The following ANO4 variants were observed in gnomAD, a reference collection of about 807,000 sequenced individuals.
The protein encoded by ANO4 is anoctamin-4.
A neutral mutation model predicts 141.9 loss-of-function variants in ANO4; 69 were observed. The observed-to-expected ratio is 0.49, with a 90% CI of 0.40 to 0.59. The LOEUF (loss-of-function observed/expected upper bound fraction) is 0.59, where lower values mean the gene tolerates loss of function less well. Among genes scored for constraint, ANO4 ranks in the 20% least tolerant of loss-of-function variants. The pLI, the probability that ANO4 is intolerant of heterozygous loss-of-function variation, is 0.00. For synonymous variants in ANO4, 350 were observed against 394.3 expected (o/e 0.89, Z 1.33); for missense variants, 894 against 1,162.2 (o/e 0.77, Z 3.36).
chr12:100,840,559 G>A (rs986506891), intron 1 of ANO4, among the ~76,000 whole-genome samples: 2 of 152,132 alleles, frequency 1.3e-5, no homozygotes, highest in African/African-American at 4.8e-5. Context: ...CTTGTTCAGT[G>A]CTCTTTTATT....
intron 6 of ANO4, among the ~76,000 whole-genome samples, chr12:100,973,673 A>G (rs1223751985): frequency 6.6e-6 from 1 of 152,148 alleles, no homozygotes; most frequent in African/African-American, 2.4e-5. Flanking sequence ...AGCGTGATAT[A>G]TTTGTTAAAG....
At chr12:100,807,730 A>T (rs1231826980) in intron 1 of ANO4, among the ~76,000 whole-genome samples, 1 of 152,022 alleles carries the variant, frequency 6.6e-6, no homozygotes, top group African/African-American at 2.4e-5. Context: ...GACAGGCCCC[A>T]GTGTGTGTTG....
chr12:100,844,991 A>T (rs1225532295), intron 1 of ANO4, among the ~76,000 whole-genome samples: 1 of 152,152 alleles, frequency 6.6e-6, no homozygotes, highest in Non-Finnish European at 1.5e-5. Flanking sequence ...AAAACCAGGC[A>T]GATATTTTAT....
intron 1 of ANO4, among the ~76,000 whole-genome samples, chr12:100,828,102 C>G (rs756338871): frequency 1.6e-4 from 25 of 152,004 alleles, no homozygotes; most frequent in Non-Finnish European, 3.4e-4. Flanking sequence ...GCTAGACACT[C>G]ATATTCAGAG....
chr12:100,940,798 T>A (rs999032889), intron 4 of ANO4, among the ~76,000 whole-genome samples: 2 of 152,194 alleles, frequency 1.3e-5, no homozygotes, highest in African/African-American at 4.8e-5. Flanking sequence ...TTGAAATCTA[T>A]TAGGCTGAGA....
chr12:101,126,979 AGAT>A lies in ANO4; in HGVS notation c.2782_2784del (p.Met928del). On this transcript the variant is annotated inframe_deletion, in exon 27 of 28. Coordinates refer to ENST00000392977, the MANE Select transcript of ANO4 (RefSeq NM_001286615.2). ...AGAAGAGAGAAGTACTTGATTCAGG[AGAT>A]GATGTATGAAGCAGAACTGGAACGT... The A allele has an allele frequency of 6.2e-7, 1 of 1,614,152 alleles. No individual in the cohort carries two copies. Among genetic ancestry groups the A allele is most frequent in the Non-Finnish European group, 8.5e-7 (1 of 1,180,022 alleles).
chr12:100,873,090 C>T (rs1282240996), intron 1 of ANO4, among the ~76,000 whole-genome samples: 3 of 152,174 alleles, frequency 2.0e-5, no homozygotes, highest in East Asian at 1.9e-4. Flanking sequence ...TTTCTTGAGG[C>T]CTCCCCAGCC....
chr12:101,114,606 G>C (rs531846481), intron 24 of ANO4, among the ~76,000 whole-genome samples: 1 of 152,152 alleles, frequency 6.6e-6, no homozygotes, highest in Non-Finnish European at 1.5e-5. Flanking sequence ...CTCGGGGCTG[G>C]TCTGTGAGAT....
intron 1 of ANO4, among the ~76,000 whole-genome samples, chr12:100,875,995 G>T (rs2039283802): frequency 6.6e-6 from 1 of 152,162 alleles, no homozygotes; most frequent in South Asian, 2.1e-4. Flanking sequence ...ACCAGAGCCA[G>T]CTTCATGAGT....
At position 100,807,233 on chromosome 12, in the gene ANO4, A is replaced by G. The variant is rs1005073723; in HGVS notation, c.-141+12206A>G. On this transcript the variant is annotated intron_variant, in intron 1 of 27. Transcript: ENST00000392977. ...GGCTAGGTGGTGATTCTTGAGAAAG[A>G]TGATTTTTACTTGGGCCAAGGCAGG... Among the ~76,000 whole-genome samples, 5 of 152,128 alleles carry G rather than the reference A, an allele frequency of 3.3e-5. No homozygotes were observed. The South Asian group carries it at 6.2e-4, about 19-fold the overall frequency.
At chr12:101,022,797 T>C (rs1426193979) in intron 9 of ANO4, among the ~76,000 whole-genome samples, 1 of 152,206 alleles carries the variant, frequency 6.6e-6, no homozygotes, top group Non-Finnish European at 1.5e-5. Context: ...TGGAGTGCAA[T>C]GGCAAGATCT....
chr12:100,810,003 G>C (rs1342712271), intron 1 of ANO4, among the ~76,000 whole-genome samples: 2 of 152,160 alleles, frequency 1.3e-5, no homozygotes, highest in Non-Finnish European at 2.9e-5. Flanking sequence ...GCATGCAGCA[G>C]TGTGCCAGAC....
At chr12:101,102,074 A>G (rs977333059) in intron 22 of ANO4, among the ~76,000 whole-genome samples, 1 of 151,346 alleles carries the variant, frequency 6.6e-6, no homozygotes, top group South Asian at 2.1e-4. Flanking sequence ...AGAGAGCAAA[A>G]CTCCGTCTCA....
At chr12:101,042,511 A>C (rs1393398143) in intron 12 of ANO4, 43 bp downstream of exon 12, 2 of 1,610,772 alleles carry the variant, frequency 1.2e-6, no homozygotes, top group Non-Finnish European at 8.5e-7. Context: ...TTTAGTACTT[A>C]GAGGTGGCTG....
At chr12:101,044,293 AGAG>A (rs1370211844) in intron 13 of ANO4, among the ~76,000 whole-genome samples, 2 of 152,232 alleles carry the variant, frequency 1.3e-5, no homozygotes, top group Non-Finnish European at 2.9e-5. Context: ...GGACTAAAGA[AGAG>A]AATATATGTG....
In ANO4 at chr12:101,043,396, C is replaced by T. The variant is rs906877451; in HGVS notation, c.1155-143C>T. On this transcript the variant is annotated intron_variant, in intron 12 of 27. Transcript: ENST00000392977. Reference sequence around the variant, plus strand: ...ATTTAAATGGGCAAGAACTTGTTTACATTAATAACAGATAAAGCTAAGATG... The same window carrying T: ...ATTTAAATGGGCAAGAACTTGTTTATATTAATAACAGATAAAGCTAAGATG... 3 of 586,928 alleles carry T rather than the reference C, an allele frequency of 5.1e-6. No individual in the cohort carries two copies. In the Admixed American group the frequency reaches 8.8e-5, roughly 17 times the overall value. 36.4% of individuals were successfully genotyped at this position (586,928 alleles called of 1,614,324 possible).
At chr12:100,919,724 GTGTGTATGTATGTATCTATC>G (rs1357374486) in intron 2 of ANO4, among the ~76,000 whole-genome samples, 17 of 120,816 alleles carry the variant, frequency 1.4e-4, no homozygotes, top group African/African-American at 5.4e-4. Context: ...ATGTATGTAT[GTGTGTATGTATGTATCTATC>G]TATCTATCTA....
chr12:101,069,000 T>C (rs2048706164), intron 14 of ANO4: 1 of 789,316 alleles, frequency 1.3e-6, no homozygotes, highest in East Asian at 2.5e-5. Context: ...AAGCTCTGGA[T>C]AAGGCCCAGT....
Position 100,806,523 on chromosome 12 carries a change from C to CTTTTTTTTTTTTTTTTTTTTTTTTTT in ANO4, c.-141+11496_-141+11497insTTTTTTTTTTTTTTTTTTTTTTTTTT, listed in dbSNP as rs1593379234. ...TTTTTAGGAGGTTTTTTTTTTGTTT[C>CTTTTTTTTTTTTTTTTTTTTTTTTTT]GTTTTTTTTTTTTTTTTTTTTTTTT... On this transcript the variant is annotated intron_variant, in intron 1 of 27. Transcript: ENST00000392977. Among the ~76,000 whole-genome samples the CTTTTTTTTTTTTTTTTTTTTTTTTTT allele has an allele frequency of 3.1e-4, 14 of 44,970 alleles. 3 individuals are homozygous for CTTTTTTTTTTTTTTTTTTTTTTTTTT. The highest frequency in any genetic ancestry group is 5.1e-4 in the African/African-American group (7 of 13,672). The allele number at this position is 44,970 out of a possible 152,430, so 29.5% of individuals were successfully genotyped here. A position where few individuals can be genotyped will look rare whatever the true frequency, so the allele number is the denominator to read the frequency against.
Sources: allele counts gnomAD v4.1 joint callset (sites outside exome capture counted in the v4.1 genomes callset), GRCh38; gene constraint gnomAD v4.1.1; transcripts MANE v1.5; gene names NCBI Gene and HGNC (gene_info 2026-07-23, HGNC 2026-07-21).